TPCN2: variants seen among roughly 807,000 people sequenced by gnomAD.
The protein encoded by TPCN2 is two pore channel protein 2.
Under a neutral mutation model 111.4 loss-of-function variants are expected in TPCN2, and 92 were observed. The ratio of observed to expected loss-of-function variants is 0.83; its 90% CI spans 0.70 to 0.98. The LOEUF is 0.98. Ranked by LOEUF, TPCN2 falls within the 50% of genes least tolerant of loss-of-function variation. TPCN2 has a pLI of 0.00. For synonymous variants in TPCN2, 405 were observed against 414.5 expected, an observed-to-expected ratio of 0.98 and a Z score of 0.28; for missense variants, 995 against 980.1, an observed-to-expected ratio of 1.02 and a Z score of -0.20.
At position 69,054,713 on chromosome 11, in the gene TPCN2, G is replaced by A. The variant is rs1460538764; in HGVS notation, c.175-8G>A. 7 of 1,613,836 alleles carry A rather than the reference G, an allele frequency of 4.3e-6. No homozygotes were observed. The highest frequency in any genetic ancestry group is 2.2e-5 in the South Asian group (2 of 91,072). The stretch of plus-strand genomic sequence containing the variant: ...CATGTCATGCCTCATGTGACTTTTC[G>A]CTTGTAGTACCGCTCCATCAACCAC... On this transcript the variant is annotated splice_polypyrimidine_tract_variant and splice_region_variant and intron_variant, in intron 2 of 24. Transcript: ENST00000294309.
At position 69,085,774 on chromosome 11, in the gene TPCN2, AGCACCCTGCT is replaced by A. The variant is rs571105197; in HGVS notation, c.1920+23_1920+32del. 6.1e-3 allele frequency: 9,855 copies of A among 1,613,484 alleles called. 38 individuals carry two copies. Among genetic ancestry groups the A allele is most frequent in the Non-Finnish European group, 6.7e-3 (7,925 of 1,179,558 alleles). On this transcript the variant is annotated intron_variant, in intron 21 of 24. Transcript: ENST00000294309. ...TGCGGTGAGCCCTGCGCCCTGTCCC[AGCACCCTGCT>A]CCCCGGGCTCCTCCCCTCCCTACCT... is the stretch of plus-strand genomic sequence containing the variant.
chr11:69,075,999 T>C (rs546642018), intron 13 of TPCN2, among the ~76,000 whole-genome samples: 2 of 152,318 alleles, frequency 1.3e-5, no homozygotes, highest in South Asian at 4.1e-4. Flanking sequence ...TAGATAATGC[T>C]GAAATCTCTC....
At chr11:69,076,789 C>G (rs866029303) in intron 13 of TPCN2, among the ~76,000 whole-genome samples, 30 of 74,412 alleles carry the variant, frequency 4.0e-4, no homozygotes, top group Non-Finnish European at 5.3e-4. Flanking sequence ...TGTCCCTCCA[C>G]CTGCCCTCCT....
intron 23 of TPCN2, among the ~76,000 whole-genome samples, chr11:69,086,892 T>TGCTGGGGCCTTGGGGG (rs1343466580): frequency 3.3e-5 from 5 of 152,024 alleles, no homozygotes; most frequent in Admixed American, 6.6e-5. Flanking sequence ...ACATCTGGGC[T>TGCTGGGGCCTTGGGGG]GTGGGGATTC....
chr11:69,054,040 G>T lies in TPCN2; in HGVS notation c.117G>T (p.Ala39=), dbSNP rs757325606. Residue 39 remains alanine, a synonymous_variant, in exon 2 of 25, where the codon GCG becomes GCT. Coordinates refer to ENST00000294309, the MANE Select transcript of TPCN2 (RefSeq NM_139075.4). ...YRSIQVGPGA[A]ARWDLCIDQA... is the part of the protein sequence containing the mutation. ...TGTCCCCTCTGCCTGCAGGTGCCGC[G>T]GCCAGGTGGGACCTCTGCATTGATC... 1.2e-6 allele frequency: 2 copies of T among 1,613,764 alleles called. No individual in the cohort carries two copies. The highest frequency in any genetic ancestry group is 3.3e-5 in the Admixed American group (2 of 60,014).
At chr11:69,086,171 T>A (rs751071722) in intron 22 of TPCN2, among the ~76,000 whole-genome samples, 1 of 152,096 alleles carries the variant, frequency 6.6e-6, no homozygotes, top group Non-Finnish European at 1.5e-5. Context: ...TGGAGGTCGT[T>A]GGTGTGTTTG....
chr11:69,060,172 C>G (rs118061957), intron 5 of TPCN2, among the ~76,000 whole-genome samples: 3,127 of 152,330 alleles, frequency 0.021, 77 homozygotes, highest in Non-Finnish European at 0.026. Context: ...ACGCCCCTGT[C>G]CTCCACTTGG....
chr11:69,076,867 C>T (rs1462089873), intron 13 of TPCN2, among the ~76,000 whole-genome samples: 1 of 126,690 alleles, frequency 7.9e-6, no homozygotes, highest in African/African-American at 3.4e-5. Context: ...TGCCCTCATG[C>T]CATGTCCCTC....
chr11:69,055,124 GC>G (rs1304973474), intron 3 of TPCN2, 50 bp from the exon 4 acceptor site: 1 of 1,588,384 alleles, frequency 6.3e-7, no homozygotes, highest in Non-Finnish European at 8.6e-7. Flanking sequence ...CAGCCTCTGG[GC>G]CCTGAGGGCT....
At chr11:69,049,802 G>A (rs1306049739) in intron 1 of TPCN2, among the ~76,000 whole-genome samples, 1 of 152,104 alleles carries the variant, frequency 6.6e-6, no homozygotes, top group African/African-American at 2.4e-5. Context: ...TCCGCCCCCC[G>A]AGGGTGGGGT....
At chr11:69,064,887 A>C (rs1171909904) in intron 7 of TPCN2, among the ~76,000 whole-genome samples, 3 of 147,972 alleles carry the variant, frequency 2.0e-5, no homozygotes, top group African/African-American at 7.8e-5. Flanking sequence ...GCGTGTTTGT[A>C]TGTGTGCATG....
chr11:69,083,953 C>T lies in TPCN2; in HGVS notation c.1698C>T (p.Ala566=), dbSNP rs761804764. 20 of 1,613,954 alleles carry T rather than the reference C, an allele frequency of 1.2e-5. No homozygotes were observed. Among genetic ancestry groups the T allele is most frequent in the African/African-American group, 1.2e-4 (9 of 74,898 alleles). Reference sequence around the variant, plus strand: ...TCTCTTCCTGTCCTCAGCTGATGGCCGTGGTGGCCAGTACCGTCCTGGGCC... The same window carrying T: ...TCTCTTCCTGTCCTCAGCTGATGGCTGTGGTGGCCAGTACCGTCCTGGGCC... The part of the protein sequence containing the change: ...LRIIPSMKLM[A]VVASTVLGLV... The change falls in exon 19 of 25, where the codon GCC becomes GCT. Residue 566 remains alanine, a synonymous_variant. Transcript: ENST00000294309.
chr11:69,072,607 C>G lies in TPCN2; in HGVS notation c.1062-20C>G, dbSNP rs1338522019. The G allele has an allele frequency of 6.2e-7, 1 of 1,613,400 alleles. No homozygotes were observed. Among genetic ancestry groups the G allele is most frequent in the South Asian group, 1.1e-5 (1 of 91,036 alleles). The stretch of plus-strand genomic sequence containing the variant: ...AGCCGAGCTGGCTGTGCTCACCGGG[C>G]TGTGGGTTTTTCCCTGCAGAGTTGG... On this transcript the variant is annotated intron_variant, in intron 11 of 24. Transcript: ENST00000294309.
At chr11:69,067,359 A>G (rs1361250223) in intron 7 of TPCN2, 144 bp from the exon 8 acceptor site, 4 of 744,250 alleles carry the variant, frequency 5.4e-6, no homozygotes, top group South Asian at 1.6e-5. Context: ...CTGTCTGGCC[A>G]TGAGCTCAGC....
At chr11:69,050,558 A>G (rs1250379123) in intron 1 of TPCN2, among the ~76,000 whole-genome samples, 2 of 152,106 alleles carry the variant, frequency 1.3e-5, no homozygotes, top group African/African-American at 4.8e-5. Flanking sequence ...TTGTATTTTT[A>G]GTAGAGATGG....
At chr11:69,062,333 C>G (rs147275214) in intron 5 of TPCN2, among the ~76,000 whole-genome samples, 1 of 152,102 alleles carries the variant, frequency 6.6e-6, no homozygotes, top group South Asian at 2.1e-4. Context: ...ACATTCACAC[C>G]GTGTGAGTGT....
chr11:69,053,323 G>C (rs1861318450), intron 1 of TPCN2, among the ~76,000 whole-genome samples: 1 of 152,230 alleles, frequency 6.6e-6, no homozygotes, highest in Non-Finnish European at 1.5e-5. Flanking sequence ...CTGACCCTGG[G>C]AGTGATTTGG....
At chr11:69,079,043 C>T (rs369114982) in intron 16 of TPCN2, 23 bp downstream of exon 16, 22 of 1,592,802 alleles carry the variant, frequency 1.4e-5, no homozygotes, top group Admixed American at 3.4e-5. Context: ...CATCCGAGGC[C>T]GGCCTCTACT....
rs148607240 is a variant in TPCN2 at position 69,085,752 on chromosome 11, G to T, written c.1920G>T (p.Ala640=). ...EYWANNFDDF[A]AALVTLWNLM... ...GGGCCAACAACTTCGATGACTTTGC[G>T]GTGAGCCCTGCGCCCTGTCCCAGCA... Residue 640 remains alanine, a splice_region_variant and synonymous_variant, in exon 21 of 25, where the codon GCG becomes GCT. Transcript: ENST00000294309. 3.0e-5 allele frequency: 49 copies of T among 1,613,944 alleles called. 1 individual carries two copies. The African/African-American group carries it at 6.1e-4, about 20-fold the overall frequency.
Sources: allele counts gnomAD v4.1 joint callset (sites outside exome capture counted in the v4.1 genomes callset), GRCh38; gene constraint gnomAD v4.1.1; transcripts MANE v1.5; gene names NCBI Gene and HGNC (gene_info 2026-07-23, HGNC 2026-07-21).